SNTG2: variants seen among roughly 807,000 people sequenced by gnomAD.
The protein encoded by SNTG2 is syntrophin gamma 2.
In SNTG2, 74 loss-of-function variants were observed where a neutral mutation model predicts 70.9. That is an observed-to-expected ratio of 1.04 (90% CI 0.86 to 1.27). SNTG2 has a LOEUF of 1.27. Among genes scored for constraint, SNTG2 ranks in the 50% most tolerant of loss-of-function variants. SNTG2 has a pLI of 0.00. For synonymous variants in SNTG2, 278 were observed against 273.8 expected (o/e 1.02, Z -0.15); for missense variants, 717 against 690.7 (o/e 1.04, Z -0.43).
chr2:1,175,168 C>G (rs1196148618), intron 8 of SNTG2, among the ~76,000 whole-genome samples: 1 of 152,142 alleles, frequency 6.6e-6, no homozygotes, highest in Non-Finnish European at 1.5e-5. Context: ...GGTAGAGTTC[C>G]AGGTGCATTT....
chr2:1,095,266 C>T (rs915281962), intron 2 of SNTG2, among the ~76,000 whole-genome samples: 1 of 152,150 alleles, frequency 6.6e-6, no homozygotes, highest in African/African-American at 2.4e-5. Flanking sequence ...GGACACAGTC[C>T]CATTCCCAGC....
In SNTG2 at chr2:1,308,599, G is replaced by C. The variant is rs777078822; in HGVS notation, c.1377+13G>C. 89 of 1,548,158 alleles carry C rather than the reference G, an allele frequency of 5.7e-5. No homozygotes were observed. Among genetic ancestry groups the C allele is most frequent in the Middle Eastern group, 1.7e-4 (1 of 6,000 alleles). ...GAGTAAGACCAAGGTAAGAGGCCAA[G>C]CAGGCATCCATGCCGCCCCATTGCC... is the stretch of plus-strand genomic sequence containing the variant. On this transcript the variant is annotated intron_variant, in intron 15 of 16. Coordinates refer to ENST00000308624, the MANE Select transcript of SNTG2 (RefSeq NM_018968.4).
chr2:1,301,156 C>G (rs755358338), intron 14 of SNTG2, among the ~76,000 whole-genome samples: 1 of 151,860 alleles, frequency 6.6e-6, no homozygotes, highest in African/African-American at 2.4e-5. Flanking sequence ...CAGTGGATGG[C>G]GGGGAAGGGT....
At chr2:1,223,952 C>G (rs1371761344) in intron 9 of SNTG2, among the ~76,000 whole-genome samples, 1 of 152,076 alleles carries the variant, frequency 6.6e-6, no homozygotes, top group Non-Finnish European at 1.5e-5. Context: ...GATGGGTGGC[C>G]TTATGCAGCA....
chr2:1,235,889 T>C (rs1420282297), intron 9 of SNTG2, among the ~76,000 whole-genome samples: 2 of 152,198 alleles, frequency 1.3e-5, no homozygotes, highest in Non-Finnish European at 2.9e-5. Flanking sequence ...TGAGAGTTGG[T>C]TGGCCAAGAG....
At chr2:1,014,683 T>G (rs373877493) in intron 1 of SNTG2, among the ~76,000 whole-genome samples, 72 of 118,288 alleles carry the variant, frequency 6.1e-4, no homozygotes, top group Middle Eastern at 5.6e-3. Context: ...GGGTGGTCTG[T>G]AGAGGGATTT....
At chr2:1,127,222 T>A (rs1667749076) in intron 4 of SNTG2, among the ~76,000 whole-genome samples, 1 of 152,020 alleles carries the variant, frequency 6.6e-6, no homozygotes, top group Non-Finnish European at 1.5e-5. Context: ...AGAGAAAATG[T>A]TCTCAATGTA....
In SNTG2 at chr2:1,137,760, C is replaced by A; in HGVS notation, c.370-8C>A. On this transcript the variant is annotated splice_polypyrimidine_tract_variant and splice_region_variant and intron_variant, in intron 5 of 16. Coordinates refer to ENST00000308624, the MANE Select transcript of SNTG2 (RefSeq NM_018968.4). ...ATTCTCAACATTCTTACTTTGTCAT[C>A]TGTTCAGGTTAATGGCATACATGTA... is the stretch of plus-strand genomic sequence containing the variant. 1 of 1,613,708 alleles carries A rather than the reference C, an allele frequency of 6.2e-7. No individual in the cohort carries two copies. Among genetic ancestry groups the A allele is most frequent in the Middle Eastern group, 1.7e-4 (1 of 5,994 alleles).
intron 16 of SNTG2, among the ~76,000 whole-genome samples, chr2:1,327,444 G>T (rs1489799485): frequency 3.3e-5 from 5 of 152,066 alleles, no homozygotes; most frequent in Non-Finnish European, 7.4e-5. Flanking sequence ...AGCTTTAAGG[G>T]TACAGTTACC....
Position 1,229,224 on chromosome 2 carries a change from G to A in SNTG2, c.720-8664G>A, listed in dbSNP as rs559279146. On this transcript the variant is annotated intron_variant, in intron 9 of 16. Transcript: ENST00000308624. ...CACCCACATCCTGCTGATTGGTAGA[G>A]CCTAGTGGTCTGTTTTGACAGGGTG... 2.0e-5 allele frequency among the ~76,000 whole-genome samples: 3 copies of A among 152,268 alleles called. No homozygotes were observed. In the South Asian group the frequency reaches 6.2e-4, roughly 32 times the overall value.
At chr2:1,007,173 C>T (rs1659598138) in intron 1 of SNTG2, among the ~76,000 whole-genome samples, 4 of 152,028 alleles carry the variant, frequency 2.6e-5, no homozygotes, top group Admixed American at 2.6e-4. Context: ...TGGGGAGGTC[C>T]TGGAATCCAT....
chr2:1,021,686 TCCACCTCCTG>T (rs1481873528), intron 1 of SNTG2, among the ~76,000 whole-genome samples: 4 of 151,938 alleles, frequency 2.6e-5, no homozygotes, highest in Non-Finnish European at 5.9e-5. Flanking sequence ...CATTGCAGCC[TCCACCTCCTG>T]GCACCTCCTG....
At chr2:1,362,657 A>G (rs112073938) in intron 16 of SNTG2, among the ~76,000 whole-genome samples, 5 of 129,510 alleles carry the variant, frequency 3.9e-5, no homozygotes, top group African/African-American at 1.2e-4. Flanking sequence ...GAAAGTCACC[A>G]ACGCTGAGCA....
At chr2:1,164,601 G>C (rs188955089) in intron 6 of SNTG2, among the ~76,000 whole-genome samples, 143 of 151,284 alleles carry the variant, frequency 9.5e-4, no homozygotes, top group African/African-American at 3.4e-3. Flanking sequence ...AGTGAGATAG[G>C]AACCTGCCCA....
At chr2:1,015,052 G>C (rs1319501179) in intron 1 of SNTG2, among the ~76,000 whole-genome samples, 1 of 152,156 alleles carries the variant, frequency 6.6e-6, no homozygotes, top group South Asian at 2.1e-4. Context: ...GAAAACCCTT[G>C]GGTGGTGGAC....
chr2:1,323,285 A>T (rs1681608614), intron 16 of SNTG2, among the ~76,000 whole-genome samples: 1 of 152,232 alleles, frequency 6.6e-6, no homozygotes, highest in Admixed American at 6.5e-5. Context: ...TTATTGCAAC[A>T]AGAAGTAGCA....
chr2:1,221,909 G>A lies in SNTG2; in HGVS notation c.719+12679G>A, dbSNP rs868919529. 3.2e-4 allele frequency among the ~76,000 whole-genome samples: 2 copies of A among 6,348 alleles called. 1 individual carries two copies. Among genetic ancestry groups the A allele is most frequent in the Non-Finnish European group, 5.1e-4 (2 of 3,890 alleles). 4.2% of individuals were successfully genotyped at this position (6,348 alleles called of 152,430 possible). A position where few individuals can be genotyped will look rare whatever the true frequency, so the allele number is the denominator to read the frequency against. Reference sequence around the variant, plus strand: ...TCTGTCTGTGTCTCTCTCTGTCTCTGTCTCTGTCTCTCTCTGTCTCTCTCT... The same window carrying A: ...TCTGTCTGTGTCTCTCTCTGTCTCTATCTCTGTCTCTCTCTGTCTCTCTCT... On this transcript the variant is annotated intron_variant, in intron 9 of 16. Transcript: ENST00000308624.
At chr2:974,293 C>A (rs1660840506) in intron 1 of SNTG2, among the ~76,000 whole-genome samples, 1 of 152,192 alleles carries the variant, frequency 6.6e-6, no homozygotes, top group African/African-American at 2.4e-5. Flanking sequence ...GCCCCATGTT[C>A]ATGCTCCACA....
intron 14 of SNTG2, among the ~76,000 whole-genome samples, chr2:1,278,666 C>T (rs963022034): frequency 1.3e-5 from 2 of 152,198 alleles, no homozygotes; most frequent in Admixed American, 6.5e-5. Flanking sequence ...AATACCAATG[C>T]TTCTTTCTCT....
Sources: gnomAD v4.1 joint callset for allele counts (sites outside exome capture counted in the v4.1 genomes callset) on GRCh38, gnomAD v4.1.1 for gene constraint, MANE v1.5 for transcripts, NCBI Gene and HGNC (gene_info 2026-07-23, HGNC 2026-07-21) for gene names.